The following SLC13A1 variants were observed in gnomAD, a reference collection of about 807,000 sequenced individuals.
SLC13A1 encodes the protein Na(+)/sulfate cotransporter.
A neutral mutation model predicts 70.0 loss-of-function variants in SLC13A1; 65 were observed. The ratio of observed to expected loss-of-function variants is 0.93; its 90% CI spans 0.76 to 1.14. The LOEUF is 1.14. Ranked by LOEUF, SLC13A1 falls within the 50% of genes most tolerant of loss-of-function variation. The probability of loss-of-function intolerance (pLI) is 0.00; values close to 1 mark genes in which losing one functional copy is unlikely to be tolerated. For missense variants in SLC13A1, 726 were observed against 717.8 expected, an observed-to-expected ratio of 1.01 and a Z score of -0.13; for synonymous variants, 275 against 250.5, an observed-to-expected ratio of 1.10 and a Z score of -0.92.
At chr7:123,166,663 C>T (rs987323706) in intron 6 of SLC13A1, among the ~76,000 whole-genome samples, 3 of 151,608 alleles carry the variant, frequency 2.0e-5, no homozygotes, top group East Asian at 1.9e-4. Context: ...TTTGTCCTTG[C>T]GATAGTTTGC....
intron 8 of SLC13A1, among the ~76,000 whole-genome samples, chr7:123,129,694 T>C (rs1793690491): frequency 1.3e-5 from 2 of 152,146 alleles, no homozygotes; most frequent in Non-Finnish European, 2.9e-5. Flanking sequence ...TTTTGCCTGG[T>C]TTGCTCACTT....
intron 9 of SLC13A1, 33 bp downstream of exon 9, chr7:123,129,350 G>C (rs761304091): frequency 3.1e-5 from 33 of 1,056,378 alleles, no homozygotes; most frequent in Admixed American, 1.7e-4. Flanking sequence ...GTGTGTGTGT[G>C]TGTGTGTGTG....
intron 2 of SLC13A1, among the ~76,000 whole-genome samples, chr7:123,178,033 C>CTCTCTCTCTA (rs761704605): frequency 9.0e-4 from 135 of 150,030 alleles, no homozygotes; most frequent in African/African-American, 2.5e-3. Flanking sequence ...CTCTCTCTCT[C>CTCTCTCTCTA]TATATATATA....
intron 3 of SLC13A1, among the ~76,000 whole-genome samples, chr7:123,170,818 G>A (rs902986242): frequency 4.0e-5 from 6 of 151,834 alleles, no homozygotes; most frequent in Non-Finnish European, 7.4e-5. Context: ...CACCTCAGGC[G>A]ATCGCCCACC....
At position 123,171,765 on chromosome 7, in the gene SLC13A1, T is replaced by C. The variant is rs201998187; in HGVS notation, c.365+3A>G. 1.2e-5 allele frequency: 20 copies of C among 1,613,568 alleles called. No homozygotes were observed. The Admixed American group carries it at 1.5e-4, about 12-fold the overall frequency. Reference sequence around the variant, plus strand: ...AACTGGAAGCAGTAAATGCAGTACTTACCATGCAGGATTTACACCAACCAT... The same window carrying C: ...AACTGGAAGCAGTAAATGCAGTACTCACCATGCAGGATTTACACCAACCAT... On this transcript the variant is annotated splice_donor_region_variant and intron_variant, in intron 3 of 14. Coordinates refer to ENST00000194130, the MANE Select transcript of SLC13A1 (RefSeq NM_022444.4).
Position 123,123,249 on chromosome 7 carries a change from A to G in SLC13A1, c.1241-14T>C. 6.7e-7 allele frequency: 1 copy of G among 1,503,678 alleles called. No homozygotes were observed. The highest frequency in any genetic ancestry group is 1.1e-5 in the South Asian group (1 of 88,756). The allele number at this position is 1,503,678 out of a possible 1,614,324, so 93.1% of individuals were successfully genotyped here. A position where few individuals can be genotyped will look rare whatever the true frequency, so the allele number is the denominator to read the frequency against. On this transcript the variant is annotated splice_polypyrimidine_tract_variant and intron_variant, in intron 11 of 14. Transcript: ENST00000194130. ...AATCAAAAGCAACTGCAAAACAAAA[A>G]TCCTACAGTTACACATTGCTTAAAA... is the stretch of plus-strand genomic sequence containing the variant.
At chr7:123,186,044 C>A (rs967734215) in intron 1 of SLC13A1, among the ~76,000 whole-genome samples, 3 of 151,992 alleles carry the variant, frequency 2.0e-5, no homozygotes, top group Non-Finnish European at 2.9e-5. Context: ...GGAAAGCATT[C>A]TTTCCCTTCA....
intron 2 of SLC13A1, among the ~76,000 whole-genome samples, chr7:123,179,384 A>AGAGATATTG (rs1451576632): frequency 6.6e-6 from 1 of 152,180 alleles, no homozygotes; most frequent in Non-Finnish European, 1.5e-5. Context: ...TTCATCCGTT[A>AGAGATATTG]GAGATATTGG....
At chr7:123,124,225 T>C (rs1793482471) in intron 11 of SLC13A1, among the ~76,000 whole-genome samples, 1 of 152,000 alleles carries the variant, frequency 6.6e-6, no homozygotes, top group South Asian at 2.1e-4. Context: ...AGGGAGGGAA[T>C]TCAGATGTGG....
intron 8 of SLC13A1, among the ~76,000 whole-genome samples, chr7:123,132,279 G>C (rs1291184525): frequency 3.3e-5 from 5 of 152,130 alleles, no homozygotes; most frequent in Admixed American, 3.3e-4. Flanking sequence ...GCAGAAAGAG[G>C]AATCAAGAGG....
At chr7:123,194,876 G>A (rs1039705127) in intron 1 of SLC13A1, among the ~76,000 whole-genome samples, 15 of 152,062 alleles carry the variant, frequency 9.9e-5, no homozygotes, top group African/African-American at 1.4e-4. Flanking sequence ...GACTGCATGC[G>A]GTTAGGGGAA....
At chr7:123,191,157 G>T (rs531328792) in intron 1 of SLC13A1, among the ~76,000 whole-genome samples, 1 of 152,142 alleles carries the variant, frequency 6.6e-6, no homozygotes, top group South Asian at 2.1e-4. Flanking sequence ...TGGTTCAGAT[G>T]GGTCTTATCT....
chr7:123,137,289 G>T (rs1274877057), intron 7 of SLC13A1, among the ~76,000 whole-genome samples: 1 of 152,122 alleles, frequency 6.6e-6, no homozygotes, highest in Non-Finnish European at 1.5e-5. Context: ...CTCCTCTTCT[G>T]TGTGGATGGA....
At chr7:123,190,809 C>T (rs1173067080) in intron 1 of SLC13A1, among the ~76,000 whole-genome samples, 1 of 152,152 alleles carries the variant, frequency 6.6e-6, no homozygotes, top group Non-Finnish European at 1.5e-5. Flanking sequence ...AAACATGACA[C>T]ATCTATTGAG....
intron 7 of SLC13A1, among the ~76,000 whole-genome samples, 160 bp downstream of exon 7, chr7:123,146,999 G>T (rs1416328222): frequency 6.6e-6 from 1 of 152,164 alleles, no homozygotes; most frequent in Admixed American, 6.5e-5. Context: ...TTAATTCTCA[G>T]TATAAAGGAA....
intron 8 of SLC13A1, 77 bp from the exon 9 acceptor site, chr7:123,129,558 A>T: frequency 9.2e-7 from 1 of 1,089,458 alleles, no homozygotes; most frequent in Non-Finnish European, 1.4e-6. Context: ...TTTTTGTAAA[A>T]CGTTGTCATC....
In SLC13A1 at chr7:123,125,636, A is replaced by C; in HGVS notation, c.1173T>G (p.Leu391=). Reference sequence around the variant, plus strand: ...GGATAAGAAAGAATAGCAGCCCTATAAGTAAAGCAACAGTTGAATCTGTAG... The same window carrying C: ...GGATAAGAAAGAATAGCAGCCCTATCAGTAAAGCAACAGTTGAATCTGTAG... ...GFATDSTVAL[L]IGLLFFLIPA... is the part of the protein sequence containing the mutation. Residue 391 remains leucine, a synonymous_variant, in exon 11 of 15, where the codon CTT becomes CTG. Transcript: ENST00000194130. 1 of 1,613,490 alleles carries C rather than the reference A, an allele frequency of 6.2e-7. No individual in the cohort carries two copies. Among genetic ancestry groups the C allele is most frequent in the Non-Finnish European group, 8.5e-7 (1 of 1,179,690 alleles).
At chr7:123,165,698 T>C (rs1795046563) in intron 6 of SLC13A1, among the ~76,000 whole-genome samples, 1 of 152,172 alleles carries the variant, frequency 6.6e-6, no homozygotes, top group Non-Finnish European at 1.5e-5. Context: ...ATTTATAACC[T>C]GGACAAACCC....
chr7:123,143,373 C>T (rs192671653), intron 7 of SLC13A1, among the ~76,000 whole-genome samples: 45 of 152,216 alleles, frequency 3.0e-4, no homozygotes, highest in African/African-American at 1.0e-3. Flanking sequence ...CACTTTAGCC[C>T]GCAGTGGTGA....
Sources: gnomAD v4.1 joint callset for allele counts (sites outside exome capture counted in the v4.1 genomes callset) on GRCh38, gnomAD v4.1.1 for gene constraint, MANE v1.5 for transcripts, NCBI Gene and HGNC (gene_info 2026-07-23, HGNC 2026-07-21) for gene names.